Variants in DYNC2H1 observed in about 807,000 individuals in gnomAD.
DYNC2H1 encodes the protein cytoplasmic dynein 2 heavy chain 1.
A neutral mutation model predicts 570.0 loss-of-function variants in DYNC2H1; 410 were observed. The observed-to-expected ratio is 0.72, with a 90% CI of 0.66 to 0.78. DYNC2H1 has a LOEUF of 0.78. DYNC2H1 is among the 30% of genes least tolerant of loss of function. DYNC2H1 has a pLI of 0.00. For missense variants in DYNC2H1, 4,865 were observed against 5,046.4 expected, an observed-to-expected ratio of 0.96 and a Z score of 1.09; for synonymous variants, 1,688 against 1,677.6, an observed-to-expected ratio of 1.01 and a Z score of -0.15.
At chr11:103,335,206 T>C (rs1939051962) in intron 82 of DYNC2H1, among the ~76,000 whole-genome samples, 1 of 140,860 alleles carries the variant, frequency 7.1e-6, no homozygotes, top group Non-Finnish European at 1.6e-5. Context: ...AGTGTTGACA[T>C]TTCCCTTTGA....
At chr11:103,428,630 C>T (rs1005721224) in intron 84 of DYNC2H1, among the ~76,000 whole-genome samples, 1 of 152,136 alleles carries the variant, frequency 6.6e-6, no homozygotes, top group African/African-American at 2.4e-5. Context: ...TATTAAACAA[C>T]AGCTCCCATT....
chr11:103,399,617 T>G, intron 83 of DYNC2H1, 46 bp from the exon 84 acceptor site: 17 of 1,346,424 alleles, frequency 1.3e-5, no homozygotes, highest in Non-Finnish European at 1.7e-5. Flanking sequence ...TATATATCAG[T>G]GATCTGTGTT....
At chr11:103,344,223 C>A (rs962191832) in intron 82 of DYNC2H1, among the ~76,000 whole-genome samples, 1 of 152,186 alleles carries the variant, frequency 6.6e-6, no homozygotes, top group African/African-American at 2.4e-5. Flanking sequence ...AAGACTGAGT[C>A]TCTGGGCTGA....
Position 103,464,905 on chromosome 11 carries a change from T to G in DYNC2H1, c.12649-3684T>G, listed in dbSNP as rs147363127. 4.1e-4 allele frequency among the ~76,000 whole-genome samples: 62 copies of G among 152,300 alleles called. 1 individual carries two copies. In the East Asian group the frequency reaches 0.012, roughly 28 times the overall value. The stretch of plus-strand genomic sequence containing the variant: ...TAACAAAATAATTTTAGTGTGTAAT[T>G]TAACTTAAATTTAAGTAGCTTAAAT... On this transcript the variant is annotated intron_variant, in intron 87 of 88. Transcript: ENST00000375735.
At chr11:103,222,819 C>G (rs1863639831) in intron 58 of DYNC2H1, 146 bp from the exon 59 acceptor site, 6 of 787,440 alleles carry the variant, frequency 7.6e-6, no homozygotes, top group Admixed American at 3.1e-5. Context: ...AATAGAAGTT[C>G]ACTGTATTTT....
At chr11:103,218,286 C>T (rs1348976090) in intron 55 of DYNC2H1, among the ~76,000 whole-genome samples, 2 of 152,040 alleles carry the variant, frequency 1.3e-5, no homozygotes, top group South Asian at 2.1e-4. Context: ...CAGCCAGACA[C>T]GAAAGACTGT....
intron 84 of DYNC2H1, chr11:103,405,510 G>A (rs530403747): frequency 6.6e-6 from 1 of 151,980 alleles, no homozygotes; most frequent in East Asian, 1.9e-4. Context: ...ATGCAAGCAG[G>A]AAAGAGGGGA....
At chr11:103,287,207 C>T (rs531908239) in intron 74 of DYNC2H1, among the ~76,000 whole-genome samples, 26 of 152,144 alleles carry the variant, frequency 1.7e-4, no homozygotes, top group African/African-American at 6.0e-4. Flanking sequence ...GTTTCTGGGC[C>T]TCTGTTTGCT....
In DYNC2H1 at chr11:103,116,699, C is replaced by G; in HGVS notation, c.751C>G (p.Leu251Val). The change falls in exon 5 of 89, where the codon CTC (leucine) becomes GTC (valine). Residue 251 changes from leucine to valine, a missense_variant. By Grantham distance (32) the Leu-to-Val change is conservative. This residue lies in a region of DYNC2H1 where 1,936 missense variants were observed against 1,962.1 expected (regional missense o/e 0.99). Transcript: ENST00000375735. Reference sequence around the variant, plus strand: ...TTATCCTGAGTCACGAATGTTGCATCTCTTAGACATCATAGGTACTAGTAA... The same window carrying G: ...TTATCCTGAGTCACGAATGTTGCATGTCTTAGACATCATAGGTACTAGTAA... ...DHYPESRMLH[L>V]LDIIGGSFGR... is the part of the protein sequence containing the mutation. 6.3e-7 allele frequency: 1 copy of G among 1,597,492 alleles called. No individual in the cohort carries two copies. The highest frequency in any genetic ancestry group is 8.5e-7 in the Non-Finnish European group (1 of 1,172,206).
chr11:103,386,956 A>G (rs577684930), intron 83 of DYNC2H1, among the ~76,000 whole-genome samples: 1 of 151,854 alleles, frequency 6.6e-6, no homozygotes, highest in East Asian at 1.9e-4. Flanking sequence ...TGCAGCAATA[A>G]ACATACGTGT....
In DYNC2H1 at chr11:103,255,437, A is replaced by T; in HGVS notation, c.10229A>T (p.His3410Leu). The T allele has an allele frequency of 1.9e-6, 3 of 1,565,890 alleles. No homozygotes were observed. Among genetic ancestry groups the T allele is most frequent in the South Asian group, 2.4e-5 (2 of 84,562 alleles). Residue 3410 changes from histidine to leucine, a missense_variant, in exon 67 of 89, where the codon CAT becomes CTT. His to Leu is a moderately conservative substitution (Grantham distance 99). Around this residue, in one of 5 missense-constraint regions of DYNC2H1, gnomAD observed 2,401 missense variants for 2,454.6 expected, o/e 0.98. Transcript: ENST00000375735. ...AAGCTTTTAGCTTTAACCATTCAGC[A>T]TGAGAAACCTGATTTAGAAGAACAG... The part of the protein sequence containing the change: ...RGQLLALTIQ[H>L]EKPDLEEQKT...
rs1938387945 is a variant in DYNC2H1, at chr11:103,324,829, G to C, written c.12039+839G>C. 6.6e-6 allele frequency among the ~76,000 whole-genome samples: 1 copy of C among 152,144 alleles called. No homozygotes were observed. Among genetic ancestry groups the C allele is most frequent in the Non-Finnish European group, 1.5e-5 (1 of 68,018 alleles). ...GTTGATCTAATTTGCATTCCCACCA[G>C]TGGTGTGTAAGCATTCCCTTTTCTC... On this transcript the variant is annotated intron_variant, in intron 82 of 88. Coordinates refer to ENST00000375735, the MANE Select transcript of DYNC2H1 (RefSeq NM_001377.3). This position sits in a 1 kb window ranked among gnomAD's most constrained non-coding sequence, Gnocchi z 5.2.
intron 63 of DYNC2H1, among the ~76,000 whole-genome samples, chr11:103,237,086 C>T (rs890564260): frequency 3.9e-5 from 6 of 151,968 alleles, no homozygotes; most frequent in African/African-American, 1.4e-4. Flanking sequence ...GCCATGTACA[C>T]AAATAAATAA....
intron 87 of DYNC2H1, among the ~76,000 whole-genome samples, chr11:103,459,466 A>G (rs916546456): frequency 6.6e-6 from 1 of 152,164 alleles, no homozygotes; most frequent in African/African-American, 2.4e-5. Context: ...CAAGAGTAGT[A>G]ACAATAGCCG....
intron 47 of DYNC2H1, among the ~76,000 whole-genome samples, chr11:103,196,084 G>A (rs1565386399): frequency 6.6e-6 from 1 of 152,164 alleles, no homozygotes; most frequent in Non-Finnish European, 1.5e-5. Context: ...CCATCATTAG[G>A]AGTTTGGTGT....
chr11:103,476,546 C>G (rs1429542200), intron 88 of DYNC2H1, among the ~76,000 whole-genome samples: 1 of 152,096 alleles, frequency 6.6e-6, no homozygotes, highest in East Asian at 1.9e-4. Flanking sequence ...CTCATCAGTG[C>G]AAACAGATAA....
In DYNC2H1 at chr11:103,183,330, G is replaced by A. The variant is rs11225587; in HGVS notation, c.6477+1444G>A. On this transcript the variant is annotated intron_variant, in intron 40 of 88. Coordinates refer to ENST00000375735, the MANE Select transcript of DYNC2H1 (RefSeq NM_001377.3). ...TCATAGATGTGTGAATGTTATAATA[G>A]GAGTATCGTATTAGATGGAATATAT... Among the ~76,000 whole-genome samples, 390 of 151,868 alleles carry A rather than the reference G, an allele frequency of 2.6e-3. 6 individuals are homozygous for A. The East Asian group carries it at 0.064, about 25-fold the overall frequency.
At chr11:103,412,513 T>C (rs1255486418) in intron 84 of DYNC2H1, among the ~76,000 whole-genome samples, 1 of 152,172 alleles carries the variant, frequency 6.6e-6, no homozygotes, top group African/African-American at 2.4e-5. Flanking sequence ...TAAGAGAATG[T>C]ACCATTTTAG....
intron 57 of DYNC2H1, among the ~76,000 whole-genome samples, chr11:103,221,710 G>A (rs550669433): frequency 1.2e-3 from 186 of 152,188 alleles, no homozygotes; most frequent in Non-Finnish European, 2.1e-3. Flanking sequence ...ACAAAAATTA[G>A]CCTGGTGTAG....
Sources: allele counts gnomAD v4.1 joint callset (sites outside exome capture counted in the v4.1 genomes callset), GRCh38; gene constraint gnomAD v4.1.1; regional missense constraint gnomAD v4.1.1; non-coding constraint Gnocchi (gnomAD v3.1); transcripts MANE v1.5; gene names NCBI Gene and HGNC (gene_info 2026-07-23, HGNC 2026-07-21).